NUP43: variants seen among roughly 807,000 people sequenced by gnomAD.
The protein encoded by NUP43 is nucleoporin 43.
Under a neutral mutation model 47.3 loss-of-function variants are expected in NUP43, and 32 were observed. The ratio of observed to expected loss-of-function variants is 0.68; its 90% CI spans 0.51 to 0.91. The LOEUF (loss-of-function observed/expected upper bound fraction) is 0.91. NUP43 is among the 40% of genes least tolerant of loss of function. NUP43 has a pLI of 0.00. For synonymous variants in NUP43, 147 were observed against 158.4 expected (o/e 0.93, Z 0.54); for missense variants, 444 against 453.9 (o/e 0.98, Z 0.20).
intron 4 of NUP43, 36 bp downstream of exon 4, chr6:149,742,354 G>T (rs751513326): frequency 4.4e-6 from 7 of 1,597,594 alleles, no homozygotes. Context: ...AAGAGACTAG[G>T]TTTCGCCATG....
chr6:149,746,875 A>G (rs1562387751), upstream of NUP43, among the ~76,000 whole-genome samples: 1 of 152,258 alleles, frequency 6.6e-6, no homozygotes, highest in Non-Finnish European at 1.5e-5. Flanking sequence ...CACTGCGCAT[A>G]GAAAACGATT....
chr6:149,746,298 T>G, intron 1 of NUP43, 78 bp downstream of exon 1: 5 of 1,568,912 alleles, frequency 3.2e-6, no homozygotes, highest in Non-Finnish European at 4.3e-6. Context: ...AAGGTGGGAG[T>G]TGGCGCGCGG....
At chr6:149,745,848 G>T in intron 2 of NUP43, 92 bp downstream of exon 2, 1 of 1,114,162 alleles carries the variant, frequency 9.0e-7, no homozygotes, top group African/African-American at 1.6e-5. Context: ...GTAAACGAGG[G>T]GTGACACCAG....
intron 4 of NUP43, 141 bp from the exon 5 acceptor site, chr6:149,738,919 G>T (rs959810635): frequency 2.2e-6 from 1 of 444,694 alleles, no homozygotes; most frequent in Admixed American, 4.0e-5. Context: ...AAAATGCATG[G>T]TTAATGTATA....
intron 7 of NUP43, among the ~76,000 whole-genome samples, chr6:149,729,286 C>G (rs897593306): frequency 6.6e-6 from 1 of 152,190 alleles, no homozygotes; most frequent in Admixed American, 6.5e-5. Context: ...GCCACCGCGC[C>G]CGGCCTCCTT....
intron 5 of NUP43, among the ~76,000 whole-genome samples, chr6:149,737,300 A>G (rs1206767021): frequency 1.3e-5 from 2 of 151,818 alleles, no homozygotes; most frequent in African/African-American, 4.8e-5. Context: ...AAAAAAAAAA[A>G]AGAGAGACAG....
chr6:149,727,601 C>T (rs1784847977), intron 7 of NUP43: 1 of 840,102 alleles, frequency 1.2e-6, no homozygotes, highest in African/African-American at 1.8e-5. Context: ...ATAAAATGAT[C>T]ATGAGAAAGA....
At chr6:149,745,544 T>A (rs994612862) in intron 2 of NUP43, among the ~76,000 whole-genome samples, 6 of 152,198 alleles carry the variant, frequency 3.9e-5, no homozygotes, top group African/African-American at 1.4e-4. Flanking sequence ...GTTATGAGAA[T>A]TCAAAAAACA....
At chr6:149,741,476 A>G (rs188676860) in intron 4 of NUP43, among the ~76,000 whole-genome samples, 115 of 151,636 alleles carry the variant, frequency 7.6e-4, no homozygotes, top group African/African-American at 2.7e-3. Context: ...ACCCGGCCAT[A>G]TATTTTTACA....
chr6:149,745,014 C>T (rs2115163424), intron 2 of NUP43, among the ~76,000 whole-genome samples: 1 of 150,788 alleles, frequency 6.6e-6, no homozygotes, highest in South Asian at 2.1e-4. Flanking sequence ...GATTCTCCTG[C>T]CTCAGACTCC....
chr6:149,727,607 A>G lies in NUP43; in HGVS notation c.914-409T>C, dbSNP rs1208335587. 8.4e-6 allele frequency: 7 copies of G among 829,668 alleles called. No homozygotes were observed. The Admixed American group carries it at 3.7e-4, about 44-fold the overall frequency. 51.4% of individuals were successfully genotyped at this position (829,668 alleles called of 1,614,324 possible). ...AATAACAAAATAAAATGATCATGAGAAAGAATTTCTAGACATATTTCTAGA... is the reference window on the plus strand; with the variant it reads ...AATAACAAAATAAAATGATCATGAGGAAGAATTTCTAGACATATTTCTAGA... On this transcript the variant is annotated intron_variant, in intron 7 of 7. Coordinates refer to ENST00000340413, the MANE Select transcript of NUP43 (RefSeq NM_198887.3).
chr6:149,732,246 G>A (rs1785093130), intron 6 of NUP43, among the ~76,000 whole-genome samples: 5 of 151,572 alleles, frequency 3.3e-5, no homozygotes, highest in Admixed American at 3.3e-4. Context: ...ACTGGGCAAG[G>A]AAATAAATGA....
At position 149,724,477 on chromosome 6, in the gene NUP43, T is replaced by C. The variant is rs1198396723; in HGVS notation, c.*2492A>G. 3 of 152,218 alleles carry C rather than the reference T, an allele frequency of 2.0e-5. No individual in the cohort carries two copies. The highest frequency in any genetic ancestry group is 2.9e-5 in the Non-Finnish European group (2 of 68,048). 9.4% of individuals were successfully genotyped at this position (152,218 alleles called of 1,614,324 possible). ...ATAGGACTGTACCCTTTTACAGGAT[T>C]GAGTGTTTTGGATCCCACTCACACA... On this transcript the variant is annotated 3_prime_UTR_variant, in exon 8 of 8. Transcript: ENST00000340413.
At chr6:149,728,999 C>CT (rs920431479) in intron 7 of NUP43, among the ~76,000 whole-genome samples, 8 of 151,176 alleles carry the variant, frequency 5.3e-5, no homozygotes, top group South Asian at 2.1e-4. Flanking sequence ...TTTCCTTTTT[C>CT]TTTTTTTTTG....
chr6:149,737,433 T>G (rs1009879675), intron 5 of NUP43, among the ~76,000 whole-genome samples: 1 of 152,114 alleles, frequency 6.6e-6, no homozygotes, highest in Admixed American at 6.6e-5. Context: ...CATGCTACCG[T>G]GCCAGGCTAT....
chr6:149,743,144 C>T (rs1223948583), intron 3 of NUP43, among the ~76,000 whole-genome samples: 1 of 151,210 alleles, frequency 6.6e-6, no homozygotes, highest in East Asian at 1.9e-4. Flanking sequence ...CCACTGCACT[C>T]CAGCCTGGGT....
At chr6:149,746,292 T>C in intron 1 of NUP43, 84 bp downstream of exon 1, 1 of 1,553,694 alleles carries the variant, frequency 6.4e-7, no homozygotes, top group Non-Finnish European at 8.8e-7. Flanking sequence ...AACCAGAAGG[T>C]GGGAGTTGGC....
chr6:149,748,733 T>C (rs937803705), upstream of NUP43, among the ~76,000 whole-genome samples: 4 of 139,966 alleles, frequency 2.9e-5, no homozygotes, highest in African/African-American at 1.1e-4. Flanking sequence ...GGCCTGAACC[T>C]GGGAGGCGGA....
intron 7 of NUP43, among the ~76,000 whole-genome samples, chr6:149,729,681 T>C (rs983241734): frequency 6.6e-6 from 1 of 152,206 alleles, no homozygotes; most frequent in African/African-American, 2.4e-5. Context: ...GACCAATTCC[T>C]TCTACATCTA....
Sources: allele counts gnomAD v4.1 joint callset (sites outside exome capture counted in the v4.1 genomes callset), GRCh38; gene constraint gnomAD v4.1.1; transcripts MANE v1.5; gene names NCBI Gene and HGNC (gene_info 2026-07-23, HGNC 2026-07-21).